MGAT5: variants seen among roughly 807,000 people sequenced by gnomAD.
MGAT5 encodes alpha-1,6-mannosylglycoprotein 6-beta-N-acetylglucosaminyltransferase A.
MGAT5 carries 30 observed loss-of-function variants against 94.3 expected under a neutral mutation model. The observed-to-expected ratio is 0.32, with a 90% confidence interval of 0.24 to 0.43. The LOEUF (loss-of-function observed/expected upper bound fraction) is 0.43. Ranked by LOEUF, MGAT5 falls within the 20% of genes least tolerant of loss-of-function variation. MGAT5 has a pLI of 1.00. For synonymous variants in MGAT5, 310 were observed against 322.9 expected (o/e 0.96, Z 0.43); for missense variants, 691 against 905.5 (o/e 0.76, Z 3.04).
intron 1 of MGAT5, among the ~76,000 whole-genome samples, chr2:134,202,803 T>C (rs1679856603): frequency 6.6e-6 from 1 of 152,162 alleles, no homozygotes; most frequent in African/African-American, 2.4e-5. Flanking sequence ...AGAATGCAAG[T>C]CACAGATAAT....
At chr2:134,189,617 T>TTGTTTTGTTTTG (rs1689265353) in intron 1 of MGAT5, among the ~76,000 whole-genome samples, 2 of 112,696 alleles carry the variant, frequency 1.8e-5, no homozygotes, top group African/African-American at 7.1e-5. Context: ...TTTTTTTTTT[T>TTGTTTTGTTTTG]TTTAAGACAG....
At chr2:134,276,119 A>C (rs994427320) in intron 2 of MGAT5, among the ~76,000 whole-genome samples, 1 of 151,924 alleles carries the variant, frequency 6.6e-6, no homozygotes, top group Non-Finnish European at 1.5e-5. Context: ...TGAGACCTAA[A>C]GTTCCTTTCC....
intron 2 of MGAT5, among the ~76,000 whole-genome samples, chr2:134,293,143 C>G (rs1456305603): frequency 6.6e-6 from 1 of 152,110 alleles, no homozygotes; most frequent in East Asian, 1.9e-4. Context: ...CACTGTGCAC[C>G]CTTGCTTCTC....
At chr2:134,235,976 A>G (rs958313395) in intron 1 of MGAT5, among the ~76,000 whole-genome samples, 3 of 152,114 alleles carry the variant, frequency 2.0e-5, no homozygotes, top group African/African-American at 7.2e-5. Context: ...CTAGGCTGTG[A>G]GTGTCATCAT....
chr2:134,150,122 C>T (rs1217455042), intron 1 of MGAT5, among the ~76,000 whole-genome samples: 1 of 152,104 alleles, frequency 6.6e-6, no homozygotes, highest in South Asian at 2.1e-4. Context: ...CACCAGATAA[C>T]AGGCAGGGAG....
chr2:134,127,062 G>C (rs865820961), intron 1 of MGAT5: 1 of 154,752 alleles, frequency 6.5e-6, no homozygotes, highest in Middle Eastern at 5.3e-4. Flanking sequence ...CTTAGTATTT[G>C]TTTGGTATAC....
chr2:134,318,369 G>C (rs3791283), intron 3 of MGAT5, among the ~76,000 whole-genome samples: 1 of 152,112 alleles, frequency 6.6e-6, no homozygotes, highest in Non-Finnish European at 1.5e-5. Context: ...CTAAGCCACC[G>C]CCTCTCCTGG....
intron 1 of MGAT5, among the ~76,000 whole-genome samples, chr2:134,155,175 C>A (rs1687417688): frequency 6.6e-6 from 1 of 152,240 alleles, no homozygotes; most frequent in Non-Finnish European, 1.5e-5. Flanking sequence ...TCTTTCCCCA[C>A]CGCCCAGAAT....
At chr2:134,333,722 A>G (rs1688151985) in intron 4 of MGAT5, among the ~76,000 whole-genome samples, 1 of 152,108 alleles carries the variant, frequency 6.6e-6, no homozygotes, top group African/African-American at 2.4e-5. Flanking sequence ...GGGATTAGGA[A>G]GTTGTTACTA....
At chr2:134,180,118 C>T (rs923924876) in intron 1 of MGAT5, among the ~76,000 whole-genome samples, 2 of 152,210 alleles carry the variant, frequency 1.3e-5, no homozygotes, top group Non-Finnish European at 2.9e-5. Flanking sequence ...ACCCCTTTCC[C>T]AGAAAATATT....
chr2:134,144,795 G>A (rs1383600180), intron 1 of MGAT5, among the ~76,000 whole-genome samples: 4 of 152,186 alleles, frequency 2.6e-5, no homozygotes, highest in Non-Finnish European at 5.9e-5. Flanking sequence ...CATTTTGGAA[G>A]GTACTGGCTT....
Position 134,441,928 on chromosome 2 carries a change from G to A in MGAT5, c.2027+13G>A. The A allele has an allele frequency of 1.2e-6, 2 of 1,610,382 alleles. No individual in the cohort carries two copies. The highest frequency in any genetic ancestry group is 1.7e-6 in the Non-Finnish European group (2 of 1,177,294). ...AGGACATGCTGAAGTAAGTGCCCTG[G>A]GGTGGGGGTGGGGACTCAGCCCCTA... On this transcript the variant is annotated intron_variant, in intron 15 of 15. Transcript: ENST00000281923.
intron 1 of MGAT5, among the ~76,000 whole-genome samples, chr2:134,177,696 A>T (rs1688545639): frequency 6.6e-6 from 1 of 152,212 alleles, no homozygotes; most frequent in Non-Finnish European, 1.5e-5. Flanking sequence ...TATGCACTGG[A>T]GTAAGAAACA....
intron 1 of MGAT5, among the ~76,000 whole-genome samples, chr2:134,183,076 C>T (rs1688828885): frequency 6.6e-6 from 1 of 152,152 alleles, no homozygotes; most frequent in Non-Finnish European, 1.5e-5. Context: ...AGGCGTGAGC[C>T]ACCGCACCTG....
intron 15 of MGAT5, among the ~76,000 whole-genome samples, chr2:134,447,515 C>T (rs1313092572): frequency 2.0e-5 from 3 of 152,214 alleles, no homozygotes; most frequent in Non-Finnish European, 2.9e-5. Flanking sequence ...GTGGCTCACT[C>T]ATTTGTCCAG....
At chr2:134,414,923 T>C (rs1180478849) in intron 12 of MGAT5, among the ~76,000 whole-genome samples, 1 of 152,214 alleles carries the variant, frequency 6.6e-6, no homozygotes, top group Non-Finnish European at 1.5e-5. Flanking sequence ...CATAATATTT[T>C]CCACATTCAT....
At chr2:134,279,735 TC>T (rs754292560) in intron 2 of MGAT5, among the ~76,000 whole-genome samples, 9 of 152,194 alleles carry the variant, frequency 5.9e-5, no homozygotes, top group Non-Finnish European at 1.3e-4. Context: ...AGGTGACAGA[TC>T]CCACTTGCTT....
In MGAT5 at chr2:134,270,605, G is replaced by A. The variant is rs1237853711; in HGVS notation, c.406+55G>A. 15 of 1,575,958 alleles carry A rather than the reference G, an allele frequency of 9.5e-6. No homozygotes were observed. In the African/African-American group the frequency reaches 1.5e-4, roughly 16 times the overall value. ...GGAGTCACACCCTGCTTTGGACCAA[G>A]AAGAGAATAAAGGAGAGCAGTGGTT... On this transcript the variant is annotated intron_variant, in intron 2 of 15. Transcript: ENST00000281923.
chr2:134,192,656 T>C (rs1679285581), intron 1 of MGAT5, among the ~76,000 whole-genome samples: 1 of 152,114 alleles, frequency 6.6e-6, no homozygotes. Flanking sequence ...GCATTACTTT[T>C]TAAAATTTTT....
Sources: allele counts gnomAD v4.1 joint callset (sites outside exome capture counted in the v4.1 genomes callset), GRCh38; gene constraint gnomAD v4.1.1; transcripts MANE v1.5; gene names NCBI Gene and HGNC (gene_info 2026-07-23, HGNC 2026-07-21).